Variants in DENND1A observed in about 807,000 individuals in gnomAD.
DENND1A encodes DENN domain-containing protein 1A.
A neutral mutation model predicts 113.7 loss-of-function variants in DENND1A; 51 were observed. The observed-to-expected ratio is 0.45, with a 90% CI of 0.36 to 0.57. The LOEUF (loss-of-function observed/expected upper bound fraction) is 0.57. DENND1A is among the 20% of genes least tolerant of loss of function. DENND1A has a pLI of 0.00. For synonymous variants in DENND1A, 565 were observed against 570.8 expected, an observed-to-expected ratio of 0.99 and a Z score of 0.14; for missense variants, 1,258 against 1,395.9, an observed-to-expected ratio of 0.90 and a Z score of 1.57.
At chr9:123,413,752 G>C (rs1485108857) in intron 19 of DENND1A, 1 of 985,444 alleles carries the variant, frequency 1.0e-6, no homozygotes, top group African/African-American at 1.7e-5. Context: ...TGGGGGTGCT[G>C]CCTAGGGATG....
intron 13 of DENND1A, among the ~76,000 whole-genome samples, chr9:123,465,446 G>T (rs1368956209): frequency 6.6e-6 from 1 of 151,124 alleles, no homozygotes; most frequent in East Asian, 1.9e-4. Flanking sequence ...TTTGAACCTT[G>T]ACCCTGACTG....
intron 5 of DENND1A, among the ~76,000 whole-genome samples, chr9:123,735,129 AG>A (rs1392143597): frequency 1.3e-5 from 2 of 152,176 alleles, no homozygotes; most frequent in African/African-American, 4.8e-5. Flanking sequence ...AAGATATCAA[AG>A]GGCACATCTA....
At chr9:123,675,012 G>C (rs2063985091) in intron 6 of DENND1A, among the ~76,000 whole-genome samples, 1 of 152,172 alleles carries the variant, frequency 6.6e-6, no homozygotes, top group Non-Finnish European at 1.5e-5. Context: ...ATCAGAAATA[G>C]ATGAACAGAC....
chr9:123,580,232 G>A (rs1281847657), intron 12 of DENND1A, among the ~76,000 whole-genome samples: 2 of 152,112 alleles, frequency 1.3e-5, no homozygotes, highest in Non-Finnish European at 2.9e-5. Flanking sequence ...ACTCACCCAA[G>A]TTACTTTGGT....
At chr9:123,450,180 C>T (rs2047609865) in intron 18 of DENND1A, among the ~76,000 whole-genome samples, 1 of 152,156 alleles carries the variant, frequency 6.6e-6, no homozygotes, top group Admixed American at 6.5e-5. Context: ...CAACAGCGCC[C>T]ACTGGGTTCT....
At chr9:123,707,000 T>A (rs2066260596) in intron 5 of DENND1A, among the ~76,000 whole-genome samples, 1 of 152,140 alleles carries the variant, frequency 6.6e-6, no homozygotes. Context: ...AAGGGAAAAG[T>A]CCATGTCTGA....
At chr9:123,616,923 A>G (rs545754049) in intron 10 of DENND1A, among the ~76,000 whole-genome samples, 7 of 152,266 alleles carry the variant, frequency 4.6e-5, no homozygotes, top group African/African-American at 1.7e-4. Context: ...GCATTATTGC[A>G]TATGCGCAAA....
intron 12 of DENND1A, among the ~76,000 whole-genome samples, chr9:123,558,793 G>A (rs1437921739): frequency 1.3e-5 from 2 of 152,132 alleles, no homozygotes; most frequent in Admixed American, 6.5e-5. Context: ...TTCACGCTGC[G>A]TTCCCCATAA....
chr9:123,868,203 T>C (rs991751920), intron 2 of DENND1A, among the ~76,000 whole-genome samples: 3 of 152,204 alleles, frequency 2.0e-5, no homozygotes, highest in African/African-American at 7.2e-5. Context: ...CTGAGCAATA[T>C]TGCACAGAGA....
intron 13 of DENND1A, among the ~76,000 whole-genome samples, chr9:123,470,881 G>A (rs554779585): frequency 3.9e-5 from 6 of 152,270 alleles, no homozygotes; most frequent in African/African-American, 1.4e-4. Flanking sequence ...CTCATGCAGG[G>A]CTGAGTCTCT....
intron 13 of DENND1A, among the ~76,000 whole-genome samples, chr9:123,495,603 C>T (rs554341093): frequency 2.6e-5 from 4 of 152,298 alleles, no homozygotes; most frequent in Non-Finnish European, 4.4e-5. Context: ...GAGAACCCAC[C>T]GATCAATATG....
At chr9:123,737,174 T>C (rs1044227181) in intron 5 of DENND1A, among the ~76,000 whole-genome samples, 1 of 152,136 alleles carries the variant, frequency 6.6e-6, no homozygotes, top group Non-Finnish European at 1.5e-5. Context: ...TAACCTTTAA[T>C]TCAACTCAGT....
chr9:123,593,962 T>A (rs1332263431), intron 11 of DENND1A, among the ~76,000 whole-genome samples: 2 of 152,160 alleles, frequency 1.3e-5, no homozygotes, highest in Non-Finnish European at 2.9e-5. Flanking sequence ...TCTCTCTCTC[T>A]TTCTCCTGCT....
chr9:123,877,176 C>T lies in DENND1A; in HGVS notation c.88+1775G>A, dbSNP rs569608917. On this transcript the variant is annotated intron_variant, in intron 2 of 23. Transcript: ENST00000394215. ...CATGTAACACAACTGCTCTTGTAAC[C>T]CCTAAACTTATACTAATTAAAAAAT... Among the ~76,000 whole-genome samples, 24 of 152,272 alleles carry T rather than the reference C, an allele frequency of 1.6e-4. No homozygotes were observed. In the South Asian group the frequency reaches 3.7e-3, roughly 24 times the overall value.
intron 9 of DENND1A, among the ~76,000 whole-genome samples, chr9:123,647,375 G>C (rs1016799051): frequency 1.3e-5 from 2 of 152,168 alleles, no homozygotes; most frequent in African/African-American, 4.8e-5. Flanking sequence ...TTACAAGGTT[G>C]GAGCCCAGCA....
intron 2 of DENND1A, among the ~76,000 whole-genome samples, chr9:123,844,275 T>A (rs1216618812): frequency 6.6e-6 from 1 of 152,176 alleles, no homozygotes; most frequent in Non-Finnish European, 1.5e-5. Context: ...AAAGAAGTAG[T>A]ACTATCTTGA....
chr9:123,674,342 T>TCTCTCACACACA (rs36033303), intron 6 of DENND1A, among the ~76,000 whole-genome samples: 7 of 132,374 alleles, frequency 5.3e-5, no homozygotes, highest in African/African-American at 1.4e-4. Flanking sequence ...TGTCTCTCTC[T>TCTCTCACACACA]CACACACACA....
At chr9:123,458,004 CTTT>C (rs71390436) in intron 13 of DENND1A, 107 bp from the exon 14 acceptor site, 366 of 566,648 alleles carry the variant, frequency 6.5e-4, no homozygotes, top group South Asian at 1.2e-3. Context: ...TTTTCTTTTC[CTTT>C]TTTTTTTTTT....
At chr9:123,655,363 T>C (rs1451683225) in intron 8 of DENND1A, among the ~76,000 whole-genome samples, 3 of 152,066 alleles carry the variant, frequency 2.0e-5, no homozygotes, top group Admixed American at 6.5e-5. Flanking sequence ...GCGAGAACAG[T>C]GCAGTGAGGA....
Sources: allele counts gnomAD v4.1 joint callset (sites outside exome capture counted in the v4.1 genomes callset), GRCh38; gene constraint gnomAD v4.1.1; transcripts MANE v1.5; gene names NCBI Gene and HGNC (gene_info 2026-07-23, HGNC 2026-07-21).